AQR: variants seen among roughly 807,000 people sequenced by gnomAD.
AQR encodes RNA helicase aquarius.
AQR carries 61 observed loss-of-function variants against 180.5 expected under a neutral mutation model. That is an observed-to-expected ratio of 0.34 (90% CI 0.28 to 0.42). AQR has a LOEUF of 0.42. AQR is among the 10% of genes least tolerant of loss of function. The probability of loss-of-function intolerance (pLI) is 1.00; values close to 1 mark genes in which losing one functional copy is unlikely to be tolerated. For synonymous variants in AQR, 551 were observed against 588.8 expected (o/e 0.94, Z 0.93); for missense variants, 1,281 against 1,798.3 (o/e 0.71, Z 5.20).
intron 32 of AQR, among the ~76,000 whole-genome samples, chr15:34,863,595 A>G (rs991521750): frequency 6.6e-6 from 1 of 152,152 alleles, no homozygotes; most frequent in Admixed American, 6.6e-5. Context: ...AGCCTATAAC[A>G]TGTTTTATCC....
intron 5 of AQR, among the ~76,000 whole-genome samples, chr15:34,947,850 G>C (rs964091793): frequency 2.0e-5 from 3 of 152,056 alleles, no homozygotes; most frequent in African/African-American, 7.2e-5. Context: ...TTGTTGCCCA[G>C]GCTGGTCTTG....
chr15:34,885,248 G>A (rs1257483950), intron 25 of AQR, among the ~76,000 whole-genome samples: 1 of 152,132 alleles, frequency 6.6e-6, no homozygotes, highest in African/African-American at 2.4e-5. Context: ...GTATTTGAAA[G>A]CTTATCTTAT....
At chr15:34,951,232 C>A (rs1894226043) in intron 4 of AQR, among the ~76,000 whole-genome samples, 1 of 152,292 alleles carries the variant, frequency 6.6e-6, no homozygotes, top group African/African-American at 2.4e-5. Flanking sequence ...ATCTTACTTT[C>A]CAGTTTAGCA....
intron 2 of AQR, 152 bp downstream of exon 2, chr15:34,964,082 T>A: frequency 3.2e-6 from 2 of 621,108 alleles, no homozygotes; most frequent in Non-Finnish European, 2.9e-6. Context: ...CTAACATAAA[T>A]CATTGCTAAG....
At chr15:34,946,568 G>A (rs1181885486) in intron 5 of AQR, among the ~76,000 whole-genome samples, 16 of 144,764 alleles carry the variant, frequency 1.1e-4, no homozygotes, top group African/African-American at 3.4e-4. Context: ...CGCCCCGTCC[G>A]GGAGGGAGGT....
chr15:34,934,799 T>A (rs1893922215), intron 9 of AQR, among the ~76,000 whole-genome samples, 164 bp from the exon 10 acceptor site: 1 of 152,130 alleles, frequency 6.6e-6, no homozygotes, highest in African/African-American at 2.4e-5. Flanking sequence ...TATATTTTTT[T>A]AAGGAAGGCC....
intron 25 of AQR, among the ~76,000 whole-genome samples, chr15:34,885,631 A>G (rs1192558939): frequency 6.6e-6 from 1 of 152,176 alleles, no homozygotes; most frequent in Non-Finnish European, 1.5e-5. Flanking sequence ...ACTTTTAAAC[A>G]TTATTTTCAC....
At chr15:34,913,339 C>T (rs1209179125) in intron 16 of AQR, among the ~76,000 whole-genome samples, 1 of 152,108 alleles carries the variant, frequency 6.6e-6, no homozygotes, top group Non-Finnish European at 1.5e-5. Context: ...GGCTTCAGCA[C>T]CCTGAAAACA....
In AQR at chr15:34,875,931, T is replaced by C; in HGVS notation, c.3237+4A>G. The C allele has an allele frequency of 6.2e-7, 1 of 1,601,694 alleles. No homozygotes were observed. Among genetic ancestry groups the C allele is most frequent in the Non-Finnish European group, 8.6e-7 (1 of 1,169,232 alleles). The stretch of plus-strand genomic sequence containing the variant: ...TTCTTTGCCTCAGATCTTATATTTC[T>C]TACCTGTAGAAGAAGAGGGATAAAA... On this transcript the variant is annotated splice_donor_region_variant and intron_variant, in intron 28 of 34. Coordinates refer to ENST00000156471, the MANE Select transcript of AQR (RefSeq NM_014691.3).
chr15:34,918,235 G>C (rs894722750), intron 15 of AQR, 23 bp downstream of exon 15: 1 of 1,608,058 alleles, frequency 6.2e-7, no homozygotes, highest in South Asian at 1.1e-5. Context: ...TTGTACAGCT[G>C]AATCCATACT....
chr15:34,926,772 C>T (rs1245668763), intron 13 of AQR, among the ~76,000 whole-genome samples: 1 of 151,982 alleles, frequency 6.6e-6, no homozygotes, highest in African/African-American at 2.4e-5. Flanking sequence ...ATGAGATTGA[C>T]CAGCTTTATA....
intron 5 of AQR, among the ~76,000 whole-genome samples, chr15:34,947,558 TAA>T (rs1566995540): frequency 7.0e-6 from 1 of 143,716 alleles, no homozygotes; most frequent in African/African-American, 2.7e-5. Flanking sequence ...AAAATAAAAA[TAA>T]GACAAAAAAA....
chr15:34,963,621 C>A (rs1172470468), intron 2 of AQR, among the ~76,000 whole-genome samples: 5 of 151,790 alleles, frequency 3.3e-5, no homozygotes, highest in African/African-American at 4.8e-5. Context: ...ACCTAAGAAT[C>A]TATAAACAGA....
intron 24 of AQR, among the ~76,000 whole-genome samples, chr15:34,889,576 C>T (rs749153896): frequency 4.6e-5 from 7 of 152,166 alleles, no homozygotes; most frequent in Non-Finnish European, 1.0e-4. Context: ...AGTCAATTTA[C>T]AGTATGTGAT....
chr15:34,969,413 G>T, intron 1 of AQR, 126 bp downstream of exon 1: 2 of 964,094 alleles, frequency 2.1e-6, no homozygotes, highest in Non-Finnish European at 3.2e-6. Context: ...AAAAAGACGT[G>T]TGTGAATCAA....
At chr15:34,880,053 A>G (rs1431030272) in intron 27 of AQR, among the ~76,000 whole-genome samples, 1 of 152,216 alleles carries the variant, frequency 6.6e-6, no homozygotes, top group Admixed American at 6.5e-5. Flanking sequence ...GCTTCCTGAC[A>G]GAACAAAAAT....
At chr15:34,965,071 G>C (rs2050303396) in intron 1 of AQR, among the ~76,000 whole-genome samples, 2 of 152,276 alleles carry the variant, frequency 1.3e-5, no homozygotes, top group South Asian at 2.1e-4. Flanking sequence ...GACAAATGAA[G>C]CAAAATCTGA....
At chr15:34,900,903 C>T (rs566664813) in intron 19 of AQR, 40 bp from the exon 20 acceptor site, 1 of 1,542,314 alleles carries the variant, frequency 6.5e-7, no homozygotes, top group East Asian at 2.3e-5. Flanking sequence ...GTCAGTATGA[C>T]ATCTCCAACA....
chr15:34,883,882 A>C (rs895268221), intron 26 of AQR, among the ~76,000 whole-genome samples: 7 of 152,182 alleles, frequency 4.6e-5, no homozygotes, highest in Admixed American at 1.3e-4. Flanking sequence ...TCACTTTAAT[A>C]ATCAGAATCA....
Sources: gnomAD v4.1 joint callset for allele counts (sites outside exome capture counted in the v4.1 genomes callset) on GRCh38, gnomAD v4.1.1 for gene constraint, MANE v1.5 for transcripts, NCBI Gene and HGNC (gene_info 2026-07-23, HGNC 2026-07-21) for gene names.